CDK19: variants seen among roughly 807,000 people sequenced by gnomAD.
The protein encoded by CDK19 is cyclin-dependent kinase 19.
Under a neutral mutation model 68.3 loss-of-function variants are expected in CDK19, and 20 were observed. That is an observed-to-expected ratio of 0.29 (90% CI 0.21 to 0.43). The LOEUF (loss-of-function observed/expected upper bound fraction) is 0.43, where lower values mean the gene tolerates loss of function less well. Among genes scored for constraint, CDK19 ranks in the 20% least tolerant of loss-of-function variants. The pLI is 1.00. For missense variants in CDK19, 339 were observed against 623.5 expected, an observed-to-expected ratio of 0.54 and a Z score of 4.86; for synonymous variants, 221 against 222.8, an observed-to-expected ratio of 0.99 and a Z score of 0.07.
intron 1 of CDK19, among the ~76,000 whole-genome samples, chr6:110,805,024 C>T (rs148358220): frequency 2.1e-3 from 324 of 152,124 alleles, no homozygotes; most frequent in African/African-American, 7.2e-3. Flanking sequence ...TGATCACTCA[C>T]TTCTGGATAA....
intron 2 of CDK19, among the ~76,000 whole-genome samples, chr6:110,737,411 C>T (rs183126368): frequency 3.3e-5 from 5 of 152,242 alleles, no homozygotes; most frequent in Non-Finnish European, 5.9e-5. Context: ...TCTGACAATA[C>T]AAAAATATGT....
chr6:110,697,924 C>G (rs1773626631), intron 2 of CDK19, among the ~76,000 whole-genome samples: 1 of 152,086 alleles, frequency 6.6e-6, no homozygotes, highest in East Asian at 1.9e-4. Context: ...AAAGGACACC[C>G]TATTCAACAA....
chr6:110,718,173 A>T (rs1463827817), intron 2 of CDK19, among the ~76,000 whole-genome samples: 1 of 152,184 alleles, frequency 6.6e-6, no homozygotes, highest in African/African-American at 2.4e-5. Flanking sequence ...TTGTTGGAGC[A>T]GCCCAAATGG....
At position 110,708,046 on chromosome 6, in the gene CDK19, A is replaced by C. The variant is rs951577555; in HGVS notation, c.205-37505T>G. Among the ~76,000 whole-genome samples, 4 of 152,190 alleles carry C rather than the reference A, an allele frequency of 2.6e-5. No homozygotes were observed. The South Asian group carries it at 8.3e-4, about 32-fold the overall frequency. On this transcript the variant is annotated intron_variant, in intron 2 of 12. Coordinates refer to ENST00000368911, the MANE Select transcript of CDK19 (RefSeq NM_015076.5). The stretch of plus-strand genomic sequence containing the variant: ...TTTTAATATTATAAACAATGCTATA[A>C]TGAATAGTGTGTACATCTGCATGAT...
chr6:110,667,552 G>A lies in CDK19; in HGVS notation c.338C>T (p.Ala113Val). Residue 113 changes from alanine (A) to valine (V), a missense_variant, in exon 4 of 13, where the codon GCA becomes GTA. Physicochemically the swap from Ala to Val is moderately conservative, Grantham distance 64 (BLOSUM62 0). Coordinates refer to ENST00000368911, the MANE Select transcript of CDK19 (RefSeq NM_015076.5). ...CATGGGCTTTTTATTTGCTTTTGAT[G>A]CACGGTGAAACTTAATAATATGCTA... ...DLWHIIKFHR[A>V]SKANKKPMQL... is the part of the protein sequence containing the mutation. 1.3e-6 allele frequency: 2 copies of A among 1,560,338 alleles called. No homozygotes were observed. Among genetic ancestry groups the A allele is most frequent in the African/African-American group, 1.4e-5 (1 of 73,348 alleles).
chr6:110,786,182 G>A (rs1189307541), intron 1 of CDK19, among the ~76,000 whole-genome samples: 2 of 152,056 alleles, frequency 1.3e-5, no homozygotes, highest in South Asian at 4.1e-4. Context: ...CATTTTGCCA[G>A]CTTGTCTAAC....
chr6:110,643,782 T>C (rs1235946135), intron 4 of CDK19, among the ~76,000 whole-genome samples: 2 of 151,970 alleles, frequency 1.3e-5, no homozygotes, highest in Non-Finnish European at 2.9e-5. Context: ...ATTAAAGAAA[T>C]TGGAATTTAC....
intron 2 of CDK19, among the ~76,000 whole-genome samples, chr6:110,727,861 C>T (rs1679969136): frequency 1.3e-5 from 2 of 151,752 alleles, no homozygotes; most frequent in South Asian, 4.2e-4. Context: ...GTGGTAAATC[C>T]CTATTGTCCC....
At chr6:110,745,486 A>G (rs1419254672) in intron 2 of CDK19, among the ~76,000 whole-genome samples, 1 of 152,190 alleles carries the variant, frequency 6.6e-6, no homozygotes, top group African/African-American at 2.4e-5. Context: ...ATTTAATAGT[A>G]TGACCCCTTC....
chr6:110,785,074 C>CAAAAAAAAAAAAAAAAAAAAAAAA, intron 1 of CDK19, among the ~76,000 whole-genome samples: 1 of 64,940 alleles, frequency 1.5e-5, no homozygotes, highest in Non-Finnish European at 3.6e-5. Flanking sequence ...ACTGAATTGT[C>CAAAAAAAAAAAAAAAAAAAAAAAA]AAAAAAAAAA....
At chr6:110,691,271 G>A (rs952776835) in intron 2 of CDK19, among the ~76,000 whole-genome samples, 22 of 152,054 alleles carry the variant, frequency 1.4e-4, no homozygotes, top group African/African-American at 5.1e-4. Context: ...TCAGGAGTTC[G>A]AGACCAGCCT....
chr6:110,714,580 T>C (rs1307204454), intron 2 of CDK19, among the ~76,000 whole-genome samples: 1 of 152,172 alleles, frequency 6.6e-6, no homozygotes, highest in Non-Finnish European at 1.5e-5. Context: ...TCCCTTTTGT[T>C]ATTATTATTA....
At chr6:110,711,306 A>T (rs1222983821) in intron 2 of CDK19, among the ~76,000 whole-genome samples, 1 of 152,226 alleles carries the variant, frequency 6.6e-6, no homozygotes, top group Non-Finnish European at 1.5e-5. Flanking sequence ...TATTAATTAT[A>T]CCTTCAACAT....
chr6:110,790,094 T>C (rs1268110679), intron 1 of CDK19, among the ~76,000 whole-genome samples: 1 of 152,218 alleles, frequency 6.6e-6, no homozygotes, highest in Non-Finnish European at 1.5e-5. Context: ...TATTATGTGA[T>C]ATTAAGGAAG....
chr6:110,798,628 GAAAAAAAAAAA>G (rs59236293), intron 1 of CDK19, among the ~76,000 whole-genome samples: 5 of 56,734 alleles, frequency 8.8e-5, no homozygotes, highest in East Asian at 1.1e-3. Context: ...TCTGTCTCCA[GAAAAAAAAAAA>G]AAAAAAAAAA....
At chr6:110,617,814 G>A (rs1157891737) in intron 12 of CDK19, among the ~76,000 whole-genome samples, 6 of 112,666 alleles carry the variant, frequency 5.3e-5, no homozygotes, top group African/African-American at 1.4e-4. Flanking sequence ...CCAAGATCAC[G>A]TCACCGCACT....
intron 8 of CDK19, among the ~76,000 whole-genome samples, chr6:110,624,567 T>C (rs1487034842): frequency 1.3e-5 from 2 of 152,184 alleles, no homozygotes; most frequent in East Asian, 3.8e-4. Flanking sequence ...GTGTGGCATA[T>C]ACATATATGG....
intron 4 of CDK19, among the ~76,000 whole-genome samples, chr6:110,653,181 T>G (rs1038564879): frequency 1.3e-5 from 2 of 152,178 alleles, no homozygotes; most frequent in African/African-American, 2.4e-5. Flanking sequence ...TCAAAGCATT[T>G]CACATCCATC....
chr6:110,671,410 T>A (rs760513142), intron 2 of CDK19, among the ~76,000 whole-genome samples: 3 of 152,180 alleles, frequency 2.0e-5, no homozygotes, highest in Non-Finnish European at 4.4e-5. Context: ...TTAATAAATA[T>A]TTTGAATACC....
Sources: gnomAD v4.1 joint callset for allele counts (sites outside exome capture counted in the v4.1 genomes callset) on GRCh38, gnomAD v4.1.1 for gene constraint, MANE v1.5 for transcripts, NCBI Gene and HGNC (gene_info 2026-07-23, HGNC 2026-07-21) for gene names.